The following PHF21A variants were observed in gnomAD, a reference collection of about 807,000 sequenced individuals.
The protein encoded by PHF21A is BHC80a.
In PHF21A, 11 loss-of-function variants were observed where a neutral mutation model predicts 82.5. The ratio of observed to expected loss-of-function variants is 0.13; its 90% CI spans 0.08 to 0.22. The LOEUF is 0.22. Ranked by LOEUF, PHF21A falls within the 10% of genes least tolerant of loss-of-function variation. The pLI is 1.00. For missense variants in PHF21A, 579 were observed against 837.8 expected, an observed-to-expected ratio of 0.69 and a Z score of 3.81; for synonymous variants, 297 against 302.8, an observed-to-expected ratio of 0.98 and a Z score of 0.20.
chr11:46,099,562 A>ACACACACACC (rs1228299404), intron 1 of PHF21A, among the ~76,000 whole-genome samples: 15 of 145,922 alleles, frequency 1.0e-4, no homozygotes, highest in East Asian at 4.0e-4. Context: ...ACACACACAC[A>ACACACACACC]CCCTAAACAC....
chr11:46,011,261 G>A (rs2095408760), intron 6 of PHF21A, among the ~76,000 whole-genome samples: 1 of 152,120 alleles, frequency 6.6e-6, no homozygotes, highest in Non-Finnish European at 1.5e-5. Flanking sequence ...GGCAGAGGAG[G>A]GCAGATCACC....
chr11:46,043,831 G>T (rs2096204881), intron 6 of PHF21A, among the ~76,000 whole-genome samples: 1 of 152,120 alleles, frequency 6.6e-6, no homozygotes, highest in Non-Finnish European at 1.5e-5. Flanking sequence ...CTCCAGAAGG[G>T]CAGTTTTCTA....
intron 6 of PHF21A, among the ~76,000 whole-genome samples, chr11:46,054,452 C>T (rs745533950): frequency 2.0e-5 from 3 of 152,166 alleles, no homozygotes; most frequent in Non-Finnish European, 2.9e-5. Context: ...CTTACCTACT[C>T]CTACACATCT....
chr11:46,008,966 T>C (rs1174210113), intron 6 of PHF21A, among the ~76,000 whole-genome samples: 5 of 148,658 alleles, frequency 3.4e-5, no homozygotes, highest in Admixed American at 2.1e-4. Flanking sequence ...TTGGTTCACA[T>C]TTCACTTTTT....
chr11:46,022,960 AG>A (rs2095660826), intron 6 of PHF21A, among the ~76,000 whole-genome samples: 1 of 152,094 alleles, frequency 6.6e-6, no homozygotes, highest in Non-Finnish European at 1.5e-5. Flanking sequence ...CATCTTGGCC[AG>A]GCTGGTCTCG....
intron 1 of PHF21A, among the ~76,000 whole-genome samples, chr11:46,103,842 T>C (rs2097125395): frequency 6.6e-6 from 1 of 152,202 alleles, no homozygotes; most frequent in South Asian, 2.1e-4. Context: ...CTTAATGATC[T>C]TTCCCCTTAC....
chr11:45,961,315 C>G (rs2093058849), intron 10 of PHF21A, among the ~76,000 whole-genome samples: 1 of 152,094 alleles, frequency 6.6e-6, no homozygotes, highest in Admixed American at 6.6e-5. Flanking sequence ...TAGGCAGGTG[C>G]AAATAAATGT....
intron 6 of PHF21A, among the ~76,000 whole-genome samples, chr11:46,021,052 T>C (rs1432963712): frequency 1.3e-5 from 2 of 149,138 alleles, no homozygotes; most frequent in African/African-American, 2.5e-5. Flanking sequence ...GACCATTAGA[T>C]AGATTCTTTA....
In PHF21A at chr11:45,934,111, C is replaced by T. The variant is rs926237474; in HGVS notation, c.1903G>A (p.Val635Ile). 6 of 1,614,174 alleles carry T rather than the reference C, an allele frequency of 3.7e-6. No individual in the cohort carries two copies. Among genetic ancestry groups the T allele is most frequent in the Admixed American group, 1.7e-5 (1 of 60,018 alleles). The change falls in exon 19 of 19, where the codon GTA (valine) becomes ATA (isoleucine). Residue 635 changes from valine to isoleucine, a missense_variant. Around this residue, in one of 3 missense-constraint regions of PHF21A, gnomAD observed 157 missense variants for 149.4 expected, o/e 1.05. Transcript: ENST00000676320. Reference protein sequence around the residue: ...LIHGIDLSKPVDSEATVGAIS... With the variant: ...LIHGIDLSKPIDSEATVGAIS... Reference sequence around the variant, plus strand: ...GCCCCCACAGTGGCCTCAGAGTCTACAGGTTTGGAGAGGTCGATGCCGTGG... The same window carrying T: ...GCCCCCACAGTGGCCTCAGAGTCTATAGGTTTGGAGAGGTCGATGCCGTGG...
In PHF21A at chr11:46,121,149, CCTCCTCCT is replaced by C; in HGVS notation, c.-459_-452del. 6.7e-6 allele frequency: 1 copy of C among 148,756 alleles called. No homozygotes were observed. The highest frequency in any genetic ancestry group is 2.1e-4 in the East Asian group (1 of 4,850). 9.2% of individuals were successfully genotyped at this position (148,756 alleles called of 1,614,324 possible). A position where few individuals can be genotyped will look rare whatever the true frequency, so the allele number is the denominator to read the frequency against. On this transcript the variant is annotated 5_prime_UTR_variant, in exon 1 of 19. Transcript: ENST00000676320. ...AGGTTGTTCCCTTCTCCCTCCTCCT[CCTCCTCCT>C]CTCCTCTCCTCTCTCTCTCACTCAC...
At chr11:46,000,133 T>A (rs982669148) in intron 6 of PHF21A, among the ~76,000 whole-genome samples, 2 of 152,182 alleles carry the variant, frequency 1.3e-5, no homozygotes, top group African/African-American at 4.8e-5. Context: ...AACACAATAG[T>A]ACCAGTCAAA....
chr11:46,100,041 A>T (rs1417667767), intron 1 of PHF21A, among the ~76,000 whole-genome samples: 1 of 152,228 alleles, frequency 6.6e-6, no homozygotes, highest in Non-Finnish European at 1.5e-5. Flanking sequence ...AGAAGTGGAA[A>T]CAGCTACAAT....
Position 45,982,172 on chromosome 11 carries a change from G to A in PHF21A, c.154-2206C>T, listed in dbSNP as rs537670813. On this transcript the variant is annotated intron_variant, in intron 6 of 18. Transcript: ENST00000676320. ...GGGTTTCGCCATGTTGCCCAGGCTGGTCTCAAACTCCTGAGCTCATGCAAT... is the reference window on the plus strand; with the variant it reads ...GGGTTTCGCCATGTTGCCCAGGCTGATCTCAAACTCCTGAGCTCATGCAAT... Among the ~76,000 whole-genome samples the A allele has an allele frequency of 4.5e-3, 677 of 152,062 alleles. 9 individuals carry two copies. Among genetic ancestry groups the A allele is most frequent in the African/African-American group, 0.016 (648 of 41,488 alleles).
chr11:46,043,979 A>G lies in PHF21A; in HGVS notation c.153+32775T>C, dbSNP rs113692432. Among the ~76,000 whole-genome samples, 100 of 152,316 alleles carry G rather than the reference A, an allele frequency of 6.6e-4. 1 individual carries two copies. The highest frequency in any genetic ancestry group is 5.7e-4 in the Non-Finnish European group (39 of 68,024). On this transcript the variant is annotated intron_variant, in intron 6 of 18. Transcript: ENST00000676320. Reference sequence around the variant, plus strand: ...AAGCACAGAATTTAATTTGTAGTAAATCAAACAAACTGAGGAAAGGTTAAG... The same window carrying G: ...AAGCACAGAATTTAATTTGTAGTAAGTCAAACAAACTGAGGAAAGGTTAAG...
At chr11:46,096,344 G>T (rs1475218609) in intron 1 of PHF21A, among the ~76,000 whole-genome samples, 1 of 150,916 alleles carries the variant, frequency 6.6e-6, no homozygotes, top group Non-Finnish European at 1.5e-5. Context: ...CCCCGTCTAG[G>T]CTCACGTTTA....
chr11:46,078,433 T>C (rs1016991936), intron 5 of PHF21A, among the ~76,000 whole-genome samples: 22 of 152,152 alleles, frequency 1.4e-4, no homozygotes, highest in Admixed American at 1.2e-3. Flanking sequence ...ACCTAGTATC[T>C]AATGGTTACA....
Position 45,968,931 on chromosome 11 carries a change from CAAAAAAAAA to C in PHF21A, c.702+875_702+883del, listed in dbSNP as rs59583388. Among the ~76,000 whole-genome samples, 267 of 85,660 alleles carry C rather than the reference CAAAAAAAAA, an allele frequency of 3.1e-3. 7 individuals are homozygous for C. In the South Asian group the frequency reaches 0.071, roughly 23 times the overall value. 56.2% of individuals were successfully genotyped at this position (85,660 alleles called of 152,430 possible). ...GTGCGATGGGAGCGAAACTCCATTG[CAAAAAAAAA>C]AAAAAAAAAAAAAAAAATAGGCAGG... is the stretch of plus-strand genomic sequence containing the variant. On this transcript the variant is annotated intron_variant, in intron 9 of 18. Coordinates refer to ENST00000676320, the MANE Select transcript of PHF21A (RefSeq NM_001352027.3).
intron 6 of PHF21A, among the ~76,000 whole-genome samples, chr11:45,999,183 A>C (rs2095028675): frequency 6.6e-6 from 1 of 152,190 alleles, no homozygotes; most frequent in Non-Finnish European, 1.5e-5. Context: ...AAAATTTAAA[A>C]ACTATGTAAA....
At chr11:46,029,685 A>AG (rs1413536055) in intron 6 of PHF21A, among the ~76,000 whole-genome samples, 2 of 152,080 alleles carry the variant, frequency 1.3e-5, no homozygotes, top group Non-Finnish European at 2.9e-5. Context: ...AAAAAAAAAA[A>AG]ACTGTCTTCA....
Sources: allele counts gnomAD v4.1 joint callset (sites outside exome capture counted in the v4.1 genomes callset), GRCh38; gene constraint gnomAD v4.1.1; regional missense constraint gnomAD v4.1.1; transcripts MANE v1.5; gene names NCBI Gene and HGNC (gene_info 2026-07-23, HGNC 2026-07-21).